The following PCDH15 variants were observed in gnomAD, a reference collection of about 807,000 sequenced individuals.
The protein encoded by PCDH15 is protocadherin related 15, also known as protocadherin-15.
PCDH15 carries 129 observed loss-of-function variants against 178.5 expected under a neutral mutation model. That is an observed-to-expected ratio of 0.72 (90% CI 0.63 to 0.84). The LOEUF is 0.84. Ranked by LOEUF, PCDH15 falls within the 40% of genes least tolerant of loss-of-function variation. The pLI is 0.00. For missense variants in PCDH15, 2,230 were observed against 2,099.9 expected, an observed-to-expected ratio of 1.06 and a Z score of -1.21; for synonymous variants, 800 against 732.0, an observed-to-expected ratio of 1.09 and a Z score of -1.50.
intron 28 of PCDH15, among the ~76,000 whole-genome samples, chr10:53,845,443 CT>C (rs1367550668): frequency 2.6e-5 from 4 of 151,872 alleles, no homozygotes; most frequent in African/African-American, 7.2e-5. Context: ...TATCACAGCA[CT>C]ATTCACAGTA....
intron 2 of PCDH15, among the ~76,000 whole-genome samples, chr10:55,582,614 A>ATTTTTTTT (rs1433568928): frequency 2.3e-5 from 2 of 88,678 alleles, no homozygotes; most frequent in African/African-American, 6.1e-5. Flanking sequence ...ATATATATAT[A>ATTTTTTTT]TATATATATA....
At chr10:55,208,455 C>G (rs1840466407) in intron 1 of PCDH15, among the ~76,000 whole-genome samples, 1 of 152,046 alleles carries the variant, frequency 6.6e-6, no homozygotes, top group African/African-American at 2.4e-5. Context: ...CCCCCACATA[C>G]TCTAAACTTA....
intron 21 of PCDH15, among the ~76,000 whole-genome samples, chr10:53,980,220 C>CA (rs11393600): frequency 0.71 from 97,910 of 137,234 alleles, 34,676 homozygotes; most frequent in South Asian, 0.86. Context: ...GACTCCATCT[C>CA]AAAAAAAAAA....
chr10:54,344,361 C>T (rs979011904), intron 6 of PCDH15, among the ~76,000 whole-genome samples: 1 of 152,170 alleles, frequency 6.6e-6, no homozygotes, highest in Admixed American at 6.5e-5. Context: ...CAAACCTACA[C>T]TTCCCTGGAA....
chr10:53,980,014 T>C, intron 21 of PCDH15, among the ~76,000 whole-genome samples: 1 of 151,992 alleles, frequency 6.6e-6, no homozygotes, highest in Middle Eastern at 3.2e-3. Flanking sequence ...AGGTCAAGAG[T>C]TCGTGACCAG....
At position 54,060,372 on chromosome 10, in the gene PCDH15, G is replaced by A. The variant is rs533101837; in HGVS notation, c.2220+6385C>T. On this transcript the variant is annotated intron_variant, in intron 18 of 37. Transcript: ENST00000644397. ...TGCAAGAGTGCAACTACCGTATTTC[G>A]AAAAATCATAAACAATTGTTTGCAT... Among the ~76,000 whole-genome samples the A allele has an allele frequency of 4.5e-4, 68 of 152,124 alleles. No homozygotes were observed. In the South Asian group the frequency reaches 7.5e-3, roughly 17 times the overall value.
chr10:53,886,193 C>T (rs10825150), intron 26 of PCDH15, among the ~76,000 whole-genome samples: 79,179 of 151,858 alleles, frequency 0.52, 22,370 homozygotes, highest in Middle Eastern at 0.69. Flanking sequence ...AGGAACGAAC[C>T]GTGCTCAGTG....
chr10:54,510,316 G>T (rs1020669332), intron 3 of PCDH15, among the ~76,000 whole-genome samples: 37 of 152,130 alleles, frequency 2.4e-4, no homozygotes, highest in South Asian at 6.2e-4. Flanking sequence ...CTACCCTGAT[G>T]CCCTGGGAAA....
At chr10:53,848,898 T>A (rs147147497) in intron 28 of PCDH15, among the ~76,000 whole-genome samples, 1 of 152,100 alleles carries the variant, frequency 6.6e-6, no homozygotes, top group Non-Finnish European at 1.5e-5. Context: ...AAAGGCAACA[T>A]AAACATATTT....
At chr10:54,740,311 T>C (rs1944618391) in intron 1 of PCDH15, among the ~76,000 whole-genome samples, 1 of 151,854 alleles carries the variant, frequency 6.6e-6, no homozygotes, top group Non-Finnish European at 1.5e-5. Flanking sequence ...AACGTAAATA[T>C]AAACCACAAT....
chr10:55,191,564 C>T (rs1223014149), intron 1 of PCDH15, among the ~76,000 whole-genome samples: 1 of 151,840 alleles, frequency 6.6e-6, no homozygotes, highest in African/African-American at 2.4e-5. Flanking sequence ...ATGGCTTACT[C>T]ATGTAAAATT....
intron 1 of PCDH15, among the ~76,000 whole-genome samples, chr10:54,753,532 A>G (rs547365566): frequency 1.3e-5 from 2 of 152,258 alleles, no homozygotes; most frequent in Admixed American, 1.3e-4. Flanking sequence ...AACTTAAATT[A>G]CATTCTCACC....
intron 14 of PCDH15, among the ~76,000 whole-genome samples, chr10:54,142,826 A>G (rs963928427): frequency 1.3e-5 from 2 of 152,160 alleles, no homozygotes; most frequent in Non-Finnish European, 2.9e-5. Flanking sequence ...GAGGGGAGAG[A>G]CAGAATAAGT....
intron 2 of PCDH15, among the ~76,000 whole-genome samples, chr10:55,622,642 A>T (rs911199522): frequency 6.6e-6 from 1 of 152,162 alleles, no homozygotes; most frequent in Admixed American, 6.5e-5. Context: ...TCCACTGTAA[A>T]GTAACCAAAG....
chr10:54,156,719 G>T (rs1460122096), intron 13 of PCDH15, among the ~76,000 whole-genome samples: 1 of 152,120 alleles, frequency 6.6e-6, no homozygotes, highest in Non-Finnish European at 1.5e-5. Context: ...ACTCATTTCA[G>T]CATTAACTCA....
At chr10:55,117,699 CAG>C (rs1837661374) in intron 2 of PCDH15, among the ~76,000 whole-genome samples, 1 of 152,132 alleles carries the variant, frequency 6.6e-6, no homozygotes, top group Admixed American at 6.6e-5. Flanking sequence ...GTCATTTGTA[CAG>C]GCTCTGTGAG....
intron 2 of PCDH15, among the ~76,000 whole-genome samples, chr10:54,636,593 A>G (rs535797204): frequency 3.3e-5 from 5 of 152,146 alleles, no homozygotes; most frequent in Admixed American, 2.0e-4. Context: ...TAGCAAATGA[A>G]GTGGATTTAA....
intron 2 of PCDH15, among the ~76,000 whole-genome samples, chr10:55,002,386 A>G (rs544232286): frequency 3.9e-5 from 6 of 152,240 alleles, no homozygotes; most frequent in Non-Finnish European, 5.9e-5. Context: ...GGAAAAGTTA[A>G]TTGTGTTACT....
intron 2 of PCDH15, among the ~76,000 whole-genome samples, chr10:55,005,195 G>A (rs1174656650): frequency 3.4e-5 from 2 of 58,702 alleles, no homozygotes; most frequent in Non-Finnish European, 6.5e-5. Context: ...AATATAGTGA[G>A]ACCCTGTCTC....
Sources: gnomAD v4.1 joint callset for allele counts (sites outside exome capture counted in the v4.1 genomes callset) on GRCh38, gnomAD v4.1.1 for gene constraint, MANE v1.5 for transcripts, NCBI Gene and HGNC (gene_info 2026-07-23, HGNC 2026-07-21) for gene names.